HGF: variants seen among roughly 807,000 people sequenced by gnomAD.
HGF encodes hepatocyte growth factor, also known as fibroblast-derived tumor cytotoxic factor.
Under a neutral mutation model 111.6 loss-of-function variants are expected in HGF, and 39 were observed. That is an observed-to-expected ratio of 0.35 (90% confidence interval 0.27 to 0.46). The LOEUF is 0.46. HGF is among the 20% of genes least tolerant of loss of function. The pLI is 1.00. For missense variants in HGF, 735 were observed against 910.5 expected (o/e 0.81, Z 2.48); for synonymous variants, 285 against 294.8 (o/e 0.97, Z 0.34).
chr7:81,722,391 C>T (rs1180301906), intron 9 of HGF, among the ~76,000 whole-genome samples: 1 of 151,618 alleles, frequency 6.6e-6, no homozygotes, highest in African/African-American at 2.4e-5. Context: ...TCTCAAACTC[C>T]TGACCTCAAG....
intron 1 of HGF, among the ~76,000 whole-genome samples, chr7:81,764,503 C>A (rs1464192823): frequency 6.6e-6 from 1 of 152,064 alleles, no homozygotes; most frequent in Non-Finnish European, 1.5e-5. Context: ...ATTTATTGAG[C>A]ATGGACCAAA....
At chr7:81,750,837 C>T in intron 5 of HGF, 1 of 470,060 alleles carries the variant, frequency 2.1e-6, no homozygotes, top group Non-Finnish European at 2.8e-6. Context: ...CTTCCATGTG[C>T]AAGTTTAAGA....
chr7:81,745,174 C>T, intron 5 of HGF, 54 bp from the exon 6 acceptor site: 1 of 1,590,468 alleles, frequency 6.3e-7, no homozygotes, highest in East Asian at 2.2e-5. Context: ...AAATCAAAAA[C>T]ACCACTGTTG....
At chr7:81,750,339 G>A (rs1015429767) in intron 5 of HGF, among the ~76,000 whole-genome samples, 1 of 152,128 alleles carries the variant, frequency 6.6e-6, no homozygotes, top group Non-Finnish European at 1.5e-5. Flanking sequence ...TCCCACAGGA[G>A]AGTTATTCCA....
intron 10 of HGF, among the ~76,000 whole-genome samples, chr7:81,718,372 G>A (rs774773545): frequency 6.6e-6 from 1 of 152,014 alleles, no homozygotes; most frequent in South Asian, 2.1e-4. Flanking sequence ...TTACATTTGT[G>A]GAAATTGAAA....
intron 7 of HGF, among the ~76,000 whole-genome samples, chr7:81,734,490 G>C (rs1228301969): frequency 6.6e-6 from 1 of 152,072 alleles, no homozygotes. Context: ...GTTGTGCTGT[G>C]ATCTGATTGC....
At chr7:81,704,724 C>T (rs1285461881) in intron 17 of HGF, among the ~76,000 whole-genome samples, 1 of 151,760 alleles carries the variant, frequency 6.6e-6, no homozygotes, top group Non-Finnish European at 1.5e-5. Flanking sequence ...CAGCATTCCA[C>T]AATCCCACAG....
Position 81,758,764 on chromosome 7 carries a change from A to G in HGF, c.295T>C (p.Phe99Leu). The G allele has an allele frequency of 6.2e-7, 1 of 1,613,326 alleles. No individual in the cohort carries two copies. Among genetic ancestry groups the G allele is most frequent in the Non-Finnish European group, 8.5e-7 (1 of 1,179,526 alleles). Residue 99 changes from phenylalanine to leucine, a missense_variant, in exon 3 of 18, where the codon TTC (phenylalanine) becomes CTC (leucine). By Grantham distance (22) the Phe-to-Leu change is conservative (BLOSUM62 0). Transcript: ENST00000222390. ...CCACTTGACATGCTATTGAAGGGGA[A>G]CCAGAGGCATTGTTTTCTTGCTTTA... ...FDKARKQCLW[F>L]PFNSMSSGVK...
chr7:81,767,964 G>A (rs182048253), intron 1 of HGF, among the ~76,000 whole-genome samples: 49 of 151,970 alleles, frequency 3.2e-4, no homozygotes, highest in African/African-American at 6.3e-4. Context: ...AAACAAAGGC[G>A]CACCCTCCTT....
rs114599162 is a variant in HGF, at chr7:81,765,510, C to T, written c.89-2638G>A. On this transcript the variant is annotated intron_variant, in intron 1 of 17. Coordinates refer to ENST00000222390, the MANE Select transcript of HGF (RefSeq NM_000601.6). ...AGCTTGTCTGGGGCTACAAAGCTATCAGGGGCAATCAGAACCAGACACCAG... is the reference window on the plus strand; with the variant it reads ...AGCTTGTCTGGGGCTACAAAGCTATTAGGGGCAATCAGAACCAGACACCAG... 8.2e-3 allele frequency among the ~76,000 whole-genome samples: 1,253 copies of T among 152,114 alleles called. 18 individuals are homozygous for T. The highest frequency in any genetic ancestry group is 0.029 in the African/African-American group (1,194 of 41,496).
chr7:81,717,329 A>C lies in HGF; in HGVS notation c.1308T>G (p.Asn436Lys), dbSNP rs1346877439. The C allele has an allele frequency of 6.2e-7, 1 of 1,613,784 alleles. No individual in the cohort carries two copies. The highest frequency in any genetic ancestry group is 8.5e-7 in the Non-Finnish European group (1 of 1,179,672). Reference protein sequence around the residue: ...IFWEPDASKLNENYCRNPDDD... With the variant: ...IFWEPDASKLKENYCRNPDDD... ...CATCTGGATTTCGGCAGTAATTCTC[A>C]TTCAGCTTACTTGCATCTGGTTCCC... Residue 436 changes from asparagine (N) to lysine (K), a missense_variant, in exon 11 of 18, where the codon AAT becomes AAG. Asn to Lys is a moderately conservative substitution (Grantham distance 94). Transcript: ENST00000222390.
rs546227025 is a variant in HGF, at chr7:81,726,029, A to C, written c.1041-12T>G. 3 of 1,613,774 alleles carry C rather than the reference A, an allele frequency of 1.9e-6. No individual in the cohort carries two copies. Among genetic ancestry groups the C allele is most frequent in the Non-Finnish European group, 2.5e-6 (3 of 1,179,668 alleles). On this transcript the variant is annotated splice_polypyrimidine_tract_variant and intron_variant, in intron 8 of 17. Transcript: ENST00000222390. ...TTTCTCGTAGGTCCCTATTGAGAAT[A>C]AGCATGTTAATGTAAATTGCCGGAG...
At position 81,702,745 on chromosome 7, in the gene HGF, C is replaced by T; in HGVS notation, c.2023G>A (p.Gly675Ser). The T allele has an allele frequency of 6.2e-7, 1 of 1,610,382 alleles. No homozygotes were observed. The highest frequency in any genetic ancestry group is 8.5e-7 in the Non-Finnish European group (1 of 1,177,744). Residue 675 changes from glycine to serine, a missense_variant, in exon 18 of 18, where the codon GGC becomes AGC. Transcript: ENST00000222390. ...TTATGTTGCTCACAAACAAGTGGGC[C>T]ACCATAATCCCCCTAGGAGTAAGAC... ...GSGPCEGDYG[G>S]PLVCEQHKMR...
chr7:81,710,076 C>A, intron 13 of HGF, 71 bp downstream of exon 13: 1 of 1,055,878 alleles, frequency 9.5e-7, no homozygotes, highest in Non-Finnish European at 1.5e-6. Context: ...CCACATGTGT[C>A]CATATTTCTG....
Position 81,752,123 on chromosome 7 carries a change from C to T in HGF, c.622G>A (p.Glu208Lys), listed in dbSNP as rs1788533214. 6.2e-7 allele frequency: 1 copy of T among 1,613,502 alleles called. No individual in the cohort carries two copies. The highest frequency in any genetic ancestry group is 8.5e-7 in the Non-Finnish European group (1 of 1,179,534). The change falls in exon 5 of 18, where the codon GAA becomes AAA. Residue 208 changes from glutamate (E) to lysine (K), a missense_variant. Glu to Lys is a moderately conservative substitution (Grantham distance 56, BLOSUM62 1). This residue lies in a region of HGF where 553 missense variants were observed against 685.6 expected (regional missense o/e 0.81). Coordinates refer to ENST00000222390, the MANE Select transcript of HGF (RefSeq NM_000601.6). Reference protein sequence around the residue: ...YEVCDIPQCSEVECMTCNGES... With the variant: ...YEVCDIPQCSKVECMTCNGES... ...CATGGCATTCAGGTTTATTTACCTTCTGAACACTGAGGAATGTCACAGACT... is the reference window on the plus strand; with the variant it reads ...CATGGCATTCAGGTTTATTTACCTTTTGAACACTGAGGAATGTCACAGACT...
At chr7:81,750,718 T>C (rs1788456515) in intron 5 of HGF, among the ~76,000 whole-genome samples, 1 of 152,074 alleles carries the variant, frequency 6.6e-6, no homozygotes, top group South Asian at 2.1e-4. Context: ...TTGGCCAAGG[T>C]ACCGGCCTTT....
intron 9 of HGF, among the ~76,000 whole-genome samples, chr7:81,721,775 T>A (rs1287360958): frequency 6.6e-6 from 1 of 152,200 alleles, no homozygotes; most frequent in Non-Finnish European, 1.5e-5. Context: ...ATGTGTTTGA[T>A]CACTTGGTTA....
chr7:81,725,105 C>T (rs901748981), intron 9 of HGF, among the ~76,000 whole-genome samples: 4 of 152,128 alleles, frequency 2.6e-5, no homozygotes, highest in African/African-American at 9.7e-5. Context: ...AGCTATTTTC[C>T]GAAATGCAGC....
chr7:81,763,592 A>G (rs1044399241), intron 1 of HGF, among the ~76,000 whole-genome samples: 1 of 152,164 alleles, frequency 6.6e-6, no homozygotes, highest in Non-Finnish European at 1.5e-5. Context: ...TCTACTGAAA[A>G]TCTGAAAAAC....
Sources: gnomAD v4.1 joint callset for allele counts (sites outside exome capture counted in the v4.1 genomes callset) on GRCh38, gnomAD v4.1.1 for gene constraint, gnomAD v4.1.1 regional missense constraint, MANE v1.5 for transcripts, NCBI Gene and HGNC (gene_info 2026-07-23, HGNC 2026-07-21) for gene names.